PRUNE2: variants seen among roughly 807,000 people sequenced by gnomAD.
PRUNE2 encodes the protein protein prune homolog 2.
A neutral mutation model predicts 252.0 loss-of-function variants in PRUNE2; 164 were observed. That is an observed-to-expected ratio of 0.65 (90% CI 0.57 to 0.74). PRUNE2 has a LOEUF of 0.74. Among genes scored for constraint, PRUNE2 ranks in the 30% least tolerant of loss-of-function variants. The pLI is 0.00. For missense variants in PRUNE2, 3,495 were observed against 3,711.0 expected (o/e 0.94, Z 1.51); for synonymous variants, 1,292 against 1,350.2 (o/e 0.96, Z 0.94).
chr9:76,773,359 C>T lies in PRUNE2; in HGVS notation c.756+50273G>A, dbSNP rs114274428. The stretch of plus-strand genomic sequence containing the variant: ...GGAAGAAAGGTTGATTTATAGCGGA[C>T]AATCTTTTCTTTATTCATGTTATCT... On this transcript the variant is annotated intron_variant, in intron 6 of 18. Coordinates refer to ENST00000376718, the MANE Select transcript of PRUNE2 (RefSeq NM_015225.3). Among the ~76,000 whole-genome samples, 489 of 150,362 alleles carry T rather than the reference C, an allele frequency of 3.3e-3. 5 individuals are homozygous for T. The highest frequency in any genetic ancestry group is 0.012 in the African/African-American group (480 of 41,194).
At position 76,703,407 on chromosome 9, in the gene PRUNE2, T is replaced by C; in HGVS notation, c.8206A>G (p.Ile2736Val). 6.2e-7 allele frequency: 1 copy of C among 1,613,564 alleles called. No individual in the cohort carries two copies. The change falls in exon 9 of 19, where the codon ATC becomes GTC. Residue 2736 changes from isoleucine (I) to valine (V), a missense_variant. Transcript: ENST00000376718. ...TCCTCCTCCATTTCCGTGTCAGGGA[T>C]CATGTTTTTCTGAACAGGCTGTGGT... is the stretch of plus-strand genomic sequence containing the variant. ...LSPQPVQKNM[I>V]PDTEMEEETE...
Position 76,707,046 on chromosome 9 carries a change from C to A in PRUNE2, c.5228G>T (p.Ser1743Ile). Reference protein sequence around the residue: ...KSENIYDYLDSSEPAENENKS... With the variant: ...KSENIYDYLDISEPAENENKS... ...ATTCTCATTCTCTGCTGGCTCTGAG[C>A]TGTCTAGGTAGTCATAAATATTTTC... The change falls in exon 8 of 19, where the codon AGC (serine) becomes ATC (isoleucine). Residue 1743 changes from serine to isoleucine, a missense_variant. Ser to Ile is a moderately radical substitution (Grantham distance 142). Transcript: ENST00000376718. 1 of 1,613,974 alleles carries A rather than the reference C, an allele frequency of 6.2e-7. No homozygotes were observed. The highest frequency in any genetic ancestry group is 8.5e-7 in the Non-Finnish European group (1 of 1,179,878).
intron 6 of PRUNE2, among the ~76,000 whole-genome samples, chr9:76,782,230 G>T (rs933379596): frequency 6.6e-6 from 1 of 151,214 alleles, no homozygotes; most frequent in Non-Finnish European, 1.5e-5. Context: ...AGAAAAAAAA[G>T]AAAGCATTGG....
At chr9:76,691,950 T>TC (rs1157955469) in intron 9 of PRUNE2, 2 of 652,880 alleles carry the variant, frequency 3.1e-6, no homozygotes, top group Non-Finnish European at 5.7e-6. Context: ...CATCCTCTCA[T>TC]CCCCCTCCCG....
chr9:76,624,920 TAC>T (rs1426956037), intron 16 of PRUNE2: 1 of 646,488 alleles, frequency 1.5e-6, no homozygotes, highest in East Asian at 6.6e-5. Flanking sequence ...AAAAGACTGA[TAC>T]AGTGACCTCT....
At chr9:76,814,621 G>A (rs1055861557) in intron 6 of PRUNE2, among the ~76,000 whole-genome samples, 1 of 152,110 alleles carries the variant, frequency 6.6e-6, no homozygotes, top group African/African-American at 2.4e-5. Flanking sequence ...ACAGTGAAGG[G>A]GTAGCTAATT....
intron 6 of PRUNE2, among the ~76,000 whole-genome samples, chr9:76,720,239 A>T (rs902222246): frequency 5.9e-5 from 9 of 152,212 alleles, no homozygotes; most frequent in Non-Finnish European, 1.0e-4. Context: ...AGACGTATTC[A>T]AATAATACGT....
At chr9:76,776,578 A>C (rs1432444967) in intron 6 of PRUNE2, among the ~76,000 whole-genome samples, 1 of 137,444 alleles carries the variant, frequency 7.3e-6, no homozygotes, top group Non-Finnish European at 1.5e-5. Context: ...TGCAGTGCAC[A>C]ATCTCGGCTC....
chr9:76,823,597 A>T, intron 6 of PRUNE2, 35 bp downstream of exon 6: 1 of 1,218,130 alleles, frequency 8.2e-7, no homozygotes, highest in Non-Finnish European at 1.2e-6. Context: ...ATTGTGGGAA[A>T]TCAATCAATG....
intron 15 of PRUNE2, among the ~76,000 whole-genome samples, chr9:76,632,976 C>T (rs527369402): frequency 6.7e-6 from 1 of 149,738 alleles, no homozygotes; most frequent in South Asian, 2.1e-4. Flanking sequence ...AGTCCCAGCA[C>T]TTTGGGAGGC....
intron 9 of PRUNE2, among the ~76,000 whole-genome samples, chr9:76,678,001 C>T (rs769421510): frequency 2.0e-5 from 3 of 152,178 alleles, no homozygotes; most frequent in Non-Finnish European, 2.9e-5. Context: ...GAGCCTGCGC[C>T]CAGAGAACCA....
chr9:76,898,706 G>A (rs573152644), intron 1 of PRUNE2, among the ~76,000 whole-genome samples: 2 of 152,042 alleles, frequency 1.3e-5, no homozygotes, highest in Admixed American at 1.3e-4. Flanking sequence ...ACCTTAGTTC[G>A]GAAATCCTAG....
At chr9:76,729,976 T>C (rs1420033296) in intron 6 of PRUNE2, among the ~76,000 whole-genome samples, 1 of 152,240 alleles carries the variant, frequency 6.6e-6, no homozygotes, top group African/African-American at 2.4e-5. Flanking sequence ...TGAGACCATA[T>C]TTTTCTTGAG....
intron 2 of PRUNE2, among the ~76,000 whole-genome samples, chr9:76,852,542 C>CGT (rs1372865150): frequency 0.015 from 2,225 of 152,314 alleles, 54 homozygotes; most frequent in African/African-American, 0.051. Flanking sequence ...TAAATGGGGT[C>CGT]ACACGCATGA....
chr9:76,847,186 C>T (rs990754516), intron 3 of PRUNE2, among the ~76,000 whole-genome samples: 1 of 151,930 alleles, frequency 6.6e-6, no homozygotes, highest in Non-Finnish European at 1.5e-5. Context: ...ATTAGCCTGA[C>T]GTGGTGGCAG....
intron 5 of PRUNE2, 42 bp from the exon 6 acceptor site, chr9:76,823,768 G>A (rs2058177996): frequency 7.9e-7 from 1 of 1,273,398 alleles, no homozygotes; most frequent in African/African-American, 1.5e-5. Flanking sequence ...TATACTTGAG[G>A]GATTTTTTTT....
intron 6 of PRUNE2, among the ~76,000 whole-genome samples, chr9:76,733,104 C>T (rs576035431): frequency 2.6e-5 from 4 of 152,116 alleles, no homozygotes; most frequent in South Asian, 2.1e-4. Flanking sequence ...TGAGAGAGAT[C>T]GGTCTTCTGC....
intron 6 of PRUNE2, among the ~76,000 whole-genome samples, chr9:76,727,709 GCT>G: frequency 1.4e-5 from 1 of 72,090 alleles, no homozygotes. Flanking sequence ...GGTAAACAGG[GCT>G]TTTTTTTTTT....
chr9:76,761,214 T>A (rs2051696966), intron 6 of PRUNE2, among the ~76,000 whole-genome samples: 1 of 152,112 alleles, frequency 6.6e-6, no homozygotes, highest in Admixed American at 6.6e-5. Context: ...GGAGTTTAAA[T>A]CTACCTCATG....
Sources: allele counts gnomAD v4.1 joint callset (sites outside exome capture counted in the v4.1 genomes callset), GRCh38; gene constraint gnomAD v4.1.1; transcripts MANE v1.5; gene names NCBI Gene and HGNC (gene_info 2026-07-23, HGNC 2026-07-21).